EYS: variants seen among roughly 807,000 people sequenced by gnomAD.
EYS encodes protein eyes shut homolog.
A neutral mutation model predicts 282.1 loss-of-function variants in EYS; 250 were observed. That is an observed-to-expected ratio of 0.89 (90% CI 0.80 to 0.98). The LOEUF is 0.98. EYS is among the 50% of genes least tolerant of loss of function. The probability of loss-of-function intolerance (pLI) is 0.00; values close to 1 mark genes in which losing one functional copy is unlikely to be tolerated. For missense variants in EYS, 4,016 were observed against 3,709.0 expected, an observed-to-expected ratio of 1.08 and a Z score of -2.15; for synonymous variants, 1,355 against 1,282.9, an observed-to-expected ratio of 1.06 and a Z score of -1.20.
intron 22 of EYS, among the ~76,000 whole-genome samples, chr6:64,740,817 C>A (rs920338978): frequency 1.3e-5 from 2 of 151,602 alleles, no homozygotes; most frequent in Middle Eastern, 3.4e-3. Context: ...GGGTTCACAC[C>A]ATTCTCCTGC....
intron 7 of EYS, among the ~76,000 whole-genome samples, chr6:65,401,785 T>C (rs915250407): frequency 6.6e-6 from 1 of 152,010 alleles, no homozygotes. Context: ...TCTGCCTTTA[T>C]GAATATTCTA....
intron 36 of EYS, among the ~76,000 whole-genome samples, chr6:63,838,636 C>T (rs1364951870): frequency 2.6e-5 from 4 of 152,112 alleles, no homozygotes; most frequent in Admixed American, 2.0e-4. Context: ...CATTTTTCCC[C>T]TGTAGGTGAG....
At chr6:64,900,217 T>C (rs965629051) in intron 18 of EYS, among the ~76,000 whole-genome samples, 7 of 152,194 alleles carry the variant, frequency 4.6e-5, no homozygotes, top group Admixed American at 2.6e-4. Context: ...TTACACATTA[T>C]ACAAAAATTA....
chr6:65,429,461 T>A (rs1466202431), intron 5 of EYS, among the ~76,000 whole-genome samples: 3 of 152,170 alleles, frequency 2.0e-5, no homozygotes, highest in African/African-American at 7.2e-5. Flanking sequence ...TACTAACAGC[T>A]TCATTTCTTA....
At chr6:65,091,452 GAAATAAATAAATAAAT>G (rs59923804) in intron 12 of EYS, among the ~76,000 whole-genome samples, 2 of 144,150 alleles carry the variant, frequency 1.4e-5, no homozygotes, top group Admixed American at 7.0e-5. Context: ...TACATCTCAA[GAAATAAATAAATAAAT>G]AAATAAATAA....
At chr6:64,437,811 A>AT (rs1561994428) in intron 27 of EYS, among the ~76,000 whole-genome samples, 1 of 150,734 alleles carries the variant, frequency 6.6e-6, no homozygotes, top group East Asian at 1.9e-4. Context: ...TACATATTAT[A>AT]TTACTTCAGA....
chr6:63,733,330 G>T (rs1768826436), intron 41 of EYS, among the ~76,000 whole-genome samples: 1 of 152,104 alleles, frequency 6.6e-6, no homozygotes, highest in Admixed American at 6.6e-5. Context: ...GTGCAAGTTT[G>T]TTATATGGGT....
rs58943807 is a variant in EYS, at chr6:63,939,298, A to T, written c.7055+45085T>A. Among the ~76,000 whole-genome samples, 1,474 of 152,300 alleles carry T rather than the reference A, an allele frequency of 9.7e-3. 26 individuals carry two copies. Among genetic ancestry groups the T allele is most frequent in the African/African-American group, 0.033 (1,364 of 41,562 alleles). On this transcript the variant is annotated intron_variant, in intron 35 of 42. Coordinates refer to ENST00000503581, the MANE Select transcript of EYS (RefSeq NM_001142800.2). ...GGGATACCAAGTTTGTAAAATTTTC[A>T]TAGGCATGATAAAGACGCAGGAAAG...
intron 12 of EYS, among the ~76,000 whole-genome samples, chr6:65,169,612 T>C (rs1021465212): frequency 6.6e-6 from 1 of 151,422 alleles, no homozygotes; most frequent in African/African-American, 2.4e-5. Flanking sequence ...AAACAATTAT[T>C]TAAATGTAAA....
chr6:64,296,259 TA>T (rs1338221974), intron 30 of EYS, among the ~76,000 whole-genome samples: 3 of 152,116 alleles, frequency 2.0e-5, no homozygotes, highest in Admixed American at 2.0e-4. Context: ...TTCAGCAAAA[TA>T]ATTACAGGAC....
In EYS at chr6:65,279,393, C is replaced by A. The variant is rs144994734; in HGVS notation, c.2023+16470G>T. On this transcript the variant is annotated intron_variant, in intron 12 of 42. Transcript: ENST00000503581. ...CAATCTAAAATAGCTTTCTACTCAC[C>A]ATATCATCTTCTCCTATTGCCTCAC... Among the ~76,000 whole-genome samples, 120 of 152,152 alleles carry A rather than the reference C, an allele frequency of 7.9e-4. 1 individual carries two copies. The highest frequency in any genetic ancestry group is 2.7e-3 in the African/African-American group (113 of 41,502).
At chr6:64,499,823 A>G (rs1401912553) in intron 26 of EYS, among the ~76,000 whole-genome samples, 1 of 152,094 alleles carries the variant, frequency 6.6e-6, no homozygotes, top group Non-Finnish European at 1.5e-5. Context: ...TCCTGAGTAA[A>G]TGAGATAATG....
intron 29 of EYS, among the ~76,000 whole-genome samples, chr6:64,312,037 A>G (rs1218894301): frequency 6.8e-6 from 1 of 146,080 alleles, no homozygotes; most frequent in Non-Finnish European, 1.5e-5. Context: ...GGAAGCATTC[A>G]CTCCCCTGCA....
intron 2 of EYS, among the ~76,000 whole-genome samples, chr6:65,522,759 A>C (rs1767419779): frequency 6.6e-6 from 1 of 152,144 alleles, no homozygotes; most frequent in Non-Finnish European, 1.5e-5. Context: ...ATATTCTCAC[A>C]TTTTTGATAC....
intron 22 of EYS, among the ~76,000 whole-genome samples, chr6:64,662,257 T>A (rs989541385): frequency 2.9e-5 from 4 of 136,930 alleles, no homozygotes; most frequent in Non-Finnish European, 3.2e-5. Flanking sequence ...GGGGGAGGGA[T>A]AGCATTAGGA....
chr6:65,135,548 T>G (rs554633230), intron 12 of EYS, among the ~76,000 whole-genome samples: 3 of 152,158 alleles, frequency 2.0e-5, no homozygotes, highest in Admixed American at 1.3e-4. Flanking sequence ...AAAATAGATA[T>G]AAATATAGAT....
At chr6:65,065,865 C>G (rs12207169) in intron 12 of EYS, among the ~76,000 whole-genome samples, 23 of 152,254 alleles carry the variant, frequency 1.5e-4, no homozygotes, top group Non-Finnish European at 2.5e-4. Flanking sequence ...ACACTTACTA[C>G]CTTATGGTTT....
intron 37 of EYS, among the ~76,000 whole-genome samples, chr6:63,798,985 GTGTATATATATATATATATA>G (rs1372666500): frequency 9.1e-5 from 8 of 87,570 alleles, no homozygotes; most frequent in Admixed American, 2.7e-4. Flanking sequence ...ATGTATATGT[GTGTATATATATATATATATA>G]TATATATATA....
intron 35 of EYS, among the ~76,000 whole-genome samples, chr6:63,880,240 C>A (rs755090575): frequency 1.3e-5 from 2 of 152,142 alleles, no homozygotes; most frequent in Non-Finnish European, 2.9e-5. Context: ...ATCTAATCAG[C>A]TGCAAGCGAA....
Sources: allele counts gnomAD v4.1 joint callset (sites outside exome capture counted in the v4.1 genomes callset), GRCh38; gene constraint gnomAD v4.1.1; transcripts MANE v1.5; gene names NCBI Gene and HGNC (gene_info 2026-07-23, HGNC 2026-07-21).